The following CNOT2 variants were observed in gnomAD, a reference collection of about 807,000 sequenced individuals.
The protein encoded by CNOT2 is CC chemokine receptor 4-negative regulator of transcription 2.
A neutral mutation model predicts 72.1 loss-of-function variants in CNOT2; 7 were observed. The observed-to-expected ratio is 0.10, with a 90% CI of 0.06 to 0.18. The LOEUF (loss-of-function observed/expected upper bound fraction) is 0.18, where lower values mean the gene tolerates loss of function less well. CNOT2 is among the 10% of genes least tolerant of loss of function. The pLI is 1.00. For missense variants in CNOT2, 345 were observed against 660.3 expected, an observed-to-expected ratio of 0.52 and a Z score of 5.23; for synonymous variants, 196 against 225.6, an observed-to-expected ratio of 0.87 and a Z score of 1.17.
At chr12:70,292,442 T>C (rs573721758) in intron 2 of CNOT2, among the ~76,000 whole-genome samples, 1 of 152,262 alleles carries the variant, frequency 6.6e-6, no homozygotes, top group East Asian at 1.9e-4. Context: ...AAGGAATTCC[T>C]TACTGAGATG....
At chr12:70,341,800 T>C (rs893338178) in intron 11 of CNOT2, among the ~76,000 whole-genome samples, 1 of 152,224 alleles carries the variant, frequency 6.6e-6, no homozygotes, top group Non-Finnish European at 1.5e-5. Context: ...TATTGAAGAA[T>C]TTAAAGCATC....
At chr12:70,327,818 GA>G in intron 4 of CNOT2, 1 of 146,576 alleles carries the variant, frequency 6.8e-6, no homozygotes, top group Admixed American at 7.3e-5. Context: ...TGAATGATGT[GA>G]AAAGTATGTT....
At chr12:70,319,001 T>A (rs1286437968) in intron 3 of CNOT2, 2 of 207,674 alleles carry the variant, frequency 9.6e-6, no homozygotes, top group African/African-American at 4.6e-5. Context: ...TCTATATAAT[T>A]TTATTTTTTT....
At chr12:70,311,841 T>C (rs1428190720) in intron 3 of CNOT2, among the ~76,000 whole-genome samples, 2 of 151,944 alleles carry the variant, frequency 1.3e-5, no homozygotes, top group African/African-American at 2.4e-5. Flanking sequence ...ATTAACCTAA[T>C]GAGATTTATA....
intron 15 of CNOT2, among the ~76,000 whole-genome samples, chr12:70,349,243 G>A (rs566791962): frequency 6.6e-6 from 1 of 152,172 alleles, no homozygotes; most frequent in South Asian, 2.1e-4. Context: ...TAAGAAATCT[G>A]GGACCTGTTC....
At chr12:70,269,786 A>G (rs1234291671) in intron 1 of CNOT2, among the ~76,000 whole-genome samples, 3 of 152,164 alleles carry the variant, frequency 2.0e-5, no homozygotes, top group African/African-American at 7.2e-5. Context: ...TTTTTACCCC[A>G]GCCAAGTTTA....
intron 2 of CNOT2, among the ~76,000 whole-genome samples, chr12:70,292,033 A>G (rs1376338272): frequency 1.3e-5 from 2 of 152,234 alleles, no homozygotes; most frequent in Admixed American, 1.3e-4. Flanking sequence ...AAGGGCAGAC[A>G]GGTATTTGCA....
At chr12:70,293,351 G>T (rs1053614540) in intron 2 of CNOT2, among the ~76,000 whole-genome samples, 2 of 151,714 alleles carry the variant, frequency 1.3e-5, no homozygotes, top group Non-Finnish European at 2.9e-5. Flanking sequence ...ATAGAGAAGG[G>T]TTTCTCCATG....
chr12:70,329,627 C>G lies in CNOT2; in HGVS notation c.386+57C>G. 6 of 1,330,024 alleles carry G rather than the reference C, an allele frequency of 4.5e-6. No individual in the cohort carries two copies. The East Asian group carries it at 6.9e-5, about 15-fold the overall frequency. The allele number at this position is 1,330,024 out of a possible 1,614,324, so 82.4% of individuals were successfully genotyped here. ...AATGTATCTTGGTAGAGTAAACAAA[C>G]TTTTAGTTTTTTAATAAGGTAATTA... On this transcript the variant is annotated intron_variant, in intron 5 of 15. Coordinates refer to ENST00000229195, the MANE Select transcript of CNOT2 (RefSeq NM_014515.7).
At chr12:70,353,572 T>G (rs973627054) in intron 15 of CNOT2, among the ~76,000 whole-genome samples, 1 of 152,140 alleles carries the variant, frequency 6.6e-6, no homozygotes, top group African/African-American at 2.4e-5. Flanking sequence ...AACATTTCAG[T>G]GTCAAGTGGT....
intron 2 of CNOT2, chr12:70,297,923 G>A (rs768729428): frequency 3.7e-5 from 7 of 187,614 alleles, no homozygotes; most frequent in Non-Finnish European, 6.9e-5. Flanking sequence ...TTTTAGTAGA[G>A]ATGGGGTTTC....
chr12:70,265,265 C>G (rs1017709312), intron 1 of CNOT2, among the ~76,000 whole-genome samples: 1 of 149,216 alleles, frequency 6.7e-6, no homozygotes, highest in African/African-American at 2.5e-5. Flanking sequence ...CCTGGAGTTT[C>G]GTTTTGTTTC....
In CNOT2 at chr12:70,243,490, T is replaced by G. The variant is rs1033938226; in HGVS notation, c.-96+10T>G. 6.6e-6 allele frequency: 1 copy of G among 152,264 alleles called. No individual in the cohort carries two copies. The highest frequency in any genetic ancestry group is 1.5e-5 in the Non-Finnish European group (1 of 68,030). The allele number at this position is 152,264 out of a possible 1,614,324, so 9.4% of individuals were successfully genotyped here. A position where few individuals can be genotyped will look rare whatever the true frequency, so the allele number is the denominator to read the frequency against. On this transcript the variant is annotated intron_variant, in intron 1 of 15. Transcript: ENST00000229195. ...CAAGAAAATTCATGCGGTGAGTTTTTGGTAAATTTTCGGAAGTCTGGCAGC... is the reference window on the plus strand; with the variant it reads ...CAAGAAAATTCATGCGGTGAGTTTTGGGTAAATTTTCGGAAGTCTGGCAGC...
At chr12:70,301,725 C>G (rs1874020253) in intron 2 of CNOT2, 1 of 152,174 alleles carries the variant, frequency 6.6e-6, no homozygotes, top group African/African-American at 2.4e-5. Flanking sequence ...CAGGATGATG[C>G]TGGCCTCATA....
intron 4 of CNOT2, 100 bp downstream of exon 4, chr12:70,319,464 AT>A: frequency 1.8e-6 from 2 of 1,142,184 alleles, no homozygotes; most frequent in South Asian, 2.8e-5. Context: ...GGTTTATTGT[AT>A]GACTTAAAAG....
intron 2 of CNOT2, among the ~76,000 whole-genome samples, chr12:70,304,937 A>G (rs376948071): frequency 2.0e-5 from 3 of 152,198 alleles, no homozygotes; most frequent in Admixed American, 6.5e-5. Flanking sequence ...TGTGCTAGCA[A>G]TGAGCCGGGC....
intron 6 of CNOT2, chr12:70,330,813 C>T (rs141959813): frequency 1.4e-4 from 26 of 183,300 alleles, no homozygotes; most frequent in Non-Finnish European, 2.5e-4. Context: ...GAACTGGAGA[C>T]ATGTTTGACT....
chr12:70,289,793 A>G (rs957850558), intron 2 of CNOT2, among the ~76,000 whole-genome samples: 8 of 152,042 alleles, frequency 5.3e-5, no homozygotes, highest in African/African-American at 1.9e-4. Context: ...ACTCATGTTT[A>G]CTAATAGAAA....
At position 70,263,872 on chromosome 12, in the gene CNOT2, A is replaced by G. The variant is rs373980903; in HGVS notation, c.-95-14260A>G. Among the ~76,000 whole-genome samples the G allele has an allele frequency of 1.2e-4, 18 of 152,262 alleles. No individual in the cohort carries two copies. The East Asian group carries it at 2.5e-3, about 21-fold the overall frequency. On this transcript the variant is annotated intron_variant, in intron 1 of 15. Coordinates refer to ENST00000229195, the MANE Select transcript of CNOT2 (RefSeq NM_014515.7). ...TTAATGGCTTGGCTGGGCTTTTTCA[A>G]TGAAGTTTTATATTTCTTGCCGTGT...
Sources: gnomAD v4.1 joint callset for allele counts (sites outside exome capture counted in the v4.1 genomes callset) on GRCh38, gnomAD v4.1.1 for gene constraint, MANE v1.5 for transcripts, NCBI Gene and HGNC (gene_info 2026-07-23, HGNC 2026-07-21) for gene names.